Variants in MYH11 observed in about 807,000 individuals in gnomAD.
The protein encoded by MYH11 is myosin heavy chain 11.
A neutral mutation model predicts 246.6 loss-of-function variants in MYH11; 80 were observed. That is an observed-to-expected ratio of 0.32 (90% confidence interval 0.27 to 0.39). The LOEUF (loss-of-function observed/expected upper bound fraction) is 0.39. Among genes scored for constraint, MYH11 ranks in the 10% least tolerant of loss-of-function variants. MYH11 has a pLI of 1.00. For missense variants in MYH11, 2,158 were observed against 2,546.8 expected (o/e 0.85, Z 3.29); for synonymous variants, 1,071 against 1,015.5 (o/e 1.05, Z -1.04).
chr16:15,746,883 T>C (rs895532383), intron 19 of MYH11, among the ~76,000 whole-genome samples: 3 of 152,102 alleles, frequency 2.0e-5, no homozygotes, highest in African/African-American at 7.2e-5. Flanking sequence ...AGACCAGGAA[T>C]TTGAGACCAG....
At chr16:15,718,222 A>C in intron 37 of MYH11, 93 bp downstream of exon 37, 3 of 1,591,062 alleles carry the variant, frequency 1.9e-6, no homozygotes, top group Non-Finnish European at 2.6e-6. Flanking sequence ...GGGCCTGCAC[A>C]CAGGAAGCCG....
intron 14 of MYH11, among the ~76,000 whole-genome samples, chr16:15,755,018 T>A (rs980880316): frequency 3.9e-5 from 6 of 152,260 alleles, no homozygotes; most frequent in Admixed American, 6.5e-5. Flanking sequence ...TCTAGCACTG[T>A]AGTATACAAA....
In MYH11 at chr16:15,766,902, C is replaced by T. The variant is rs533438813; in HGVS notation, c.1034-3011G>A. On this transcript the variant is annotated intron_variant, in intron 9 of 40. Coordinates refer to ENST00000300036, the MANE Select transcript of MYH11 (RefSeq NM_002474.3). ...AGACACAACACAGCAAGGGTGGTGA[C>T]GGCTGGCAGCATCCTGGTGTGCTGG... Among the ~76,000 whole-genome samples the T allele has an allele frequency of 3.3e-4, 51 of 152,330 alleles. 1 individual carries two copies. The highest frequency in any genetic ancestry group is 3.4e-3 in the Middle Eastern group (1 of 294).
intron 40 of MYH11, among the ~76,000 whole-genome samples, chr16:15,705,020 C>T (rs1480521685): frequency 6.6e-6 from 1 of 152,216 alleles, no homozygotes; most frequent in African/African-American, 2.4e-5. Flanking sequence ...GTCTCTCTCA[C>T]CCAGGCTGGA....
At chr16:15,849,842 T>G (rs918201509) in intron 1 of MYH11, among the ~76,000 whole-genome samples, 8 of 152,204 alleles carry the variant, frequency 5.3e-5, no homozygotes, top group Non-Finnish European at 1.2e-4. Context: ...GCCCCAAACC[T>G]GCTGGGTGAC....
intron 13 of MYH11, among the ~76,000 whole-genome samples, chr16:15,757,508 T>TAAAAAAAAAA (rs71134455): frequency 1.5e-5 from 1 of 65,484 alleles, no homozygotes; most frequent in Non-Finnish European, 2.7e-5. Context: ...GACCATGTCA[T>TAAAAAAAAAA]AAAAAAAAAA....
chr16:15,709,177 A>G (rs1273836925), intron 40 of MYH11, among the ~76,000 whole-genome samples: 3 of 152,090 alleles, frequency 2.0e-5, no homozygotes, highest in East Asian at 1.9e-4. Flanking sequence ...CCTGATGTCA[A>G]TGATCTTCCT....
At chr16:15,783,067 T>C (rs2042392032) in intron 5 of MYH11, 1 of 156,238 alleles carries the variant, frequency 6.4e-6, no homozygotes, top group Non-Finnish European at 1.4e-5. Context: ...TCAAAGCAGG[T>C]TGCCTGAGCT....
At chr16:15,730,920 C>G (rs1207159196) in intron 27 of MYH11, among the ~76,000 whole-genome samples, 2 of 152,170 alleles carry the variant, frequency 1.3e-5, no homozygotes, top group African/African-American at 4.8e-5. Flanking sequence ...GTGATTTGAC[C>G]TAGTCATTCT....
Position 15,757,930 on chromosome 16 carries a change from A to G in MYH11, c.1472T>C (p.Met491Thr), listed in dbSNP as rs1236697376. Residue 491 changes from methionine (M) to threonine (T), a missense_variant, in exon 13 of 41, where the codon ATG becomes ACG. This residue lies in a region of MYH11 where 317 missense variants were observed against 507.7 expected (regional missense o/e 0.62). Transcript: ENST00000300036. ...EKLQQLFNHT[M>T]FILEQEEYQR... is the part of the protein sequence containing the mutation. ...GTACTCCTCCTGCTCCAGGATGAAC[A>G]TGGTGTGGTTGAAGAGCTGCTGCAG... 2.5e-6 allele frequency: 4 copies of G among 1,614,040 alleles called. No individual in the cohort carries two copies. Among genetic ancestry groups the G allele is most frequent in the South Asian group, 1.1e-5 (1 of 91,086 alleles).
chr16:15,749,821 A>C, intron 16 of MYH11: 2 of 472,690 alleles, frequency 4.2e-6, no homozygotes, highest in East Asian at 3.6e-5. Context: ...CCCACAGGGA[A>C]GGGCTACAAT....
intron 20 of MYH11, among the ~76,000 whole-genome samples, chr16:15,742,828 T>C (rs1374477224): frequency 6.6e-6 from 1 of 151,994 alleles, no homozygotes; most frequent in African/African-American, 2.4e-5. Context: ...AGTTAATTTA[T>C]TTATTTAGCG....
At chr16:15,856,791 A>T (rs1391159751) in intron 1 of MYH11, 150 bp downstream of exon 1, 1 of 152,042 alleles carries the variant, frequency 6.6e-6, no homozygotes, top group African/African-American at 2.4e-5. Flanking sequence ...GCAGAGAGAG[A>T]TCCAAATCAC....
intron 25 of MYH11, among the ~76,000 whole-genome samples, chr16:15,737,129 C>T (rs759441468): frequency 6.6e-6 from 1 of 152,068 alleles, no homozygotes; most frequent in Non-Finnish European, 1.5e-5. Flanking sequence ...GAAATTGACT[C>T]ATTGGGCAAT....
chr16:15,814,725 C>T (rs906384026), intron 3 of MYH11, among the ~76,000 whole-genome samples: 1 of 151,914 alleles, frequency 6.6e-6, no homozygotes, highest in South Asian at 2.1e-4. Flanking sequence ...AAGGAGGAGA[C>T]AAAAACATAA....
rs777121788 is a variant in MYH11, at chr16:15,727,025, C to T, written c.3681G>A (p.Gln1227=). 4 of 1,611,990 alleles carry T rather than the reference C, an allele frequency of 2.5e-6. 1 individual carries two copies. The South Asian group carries it at 4.4e-5, about 18-fold the overall frequency. ...RAKANLDKNK[Q]TLEKENADLA... is the part of the protein sequence containing the mutation. Reference sequence around the variant, plus strand: ...GGTCTGCGTTCTCTTTCTCCAGCGTCTGCTTATTCTTGTCTAGGTTCGCCT... The same window carrying T: ...GGTCTGCGTTCTCTTTCTCCAGCGTTTGCTTATTCTTGTCTAGGTTCGCCT... The change falls in exon 28 of 41, where the codon CAG becomes CAA. Residue 1227 remains glutamine, a synonymous_variant. Coordinates refer to ENST00000300036, the MANE Select transcript of MYH11 (RefSeq NM_002474.3).
intron 1 of MYH11, among the ~76,000 whole-genome samples, chr16:15,854,409 C>A (rs1418768673): frequency 6.6e-6 from 1 of 152,178 alleles, no homozygotes; most frequent in East Asian, 1.9e-4. Flanking sequence ...GTTAGAAAGA[C>A]CTAGATTTGT....
At chr16:15,782,309 C>T (rs927948732) in intron 6 of MYH11, 76 bp downstream of exon 6, 24 of 1,313,712 alleles carry the variant, frequency 1.8e-5, no homozygotes, top group African/African-American at 5.8e-5. Flanking sequence ...CACCTCTGCA[C>T]GCAAACACTC....
At chr16:15,716,523 TG>T (rs139447709) in intron 38 of MYH11, among the ~76,000 whole-genome samples, 17 of 151,926 alleles carry the variant, frequency 1.1e-4, no homozygotes, top group African/African-American at 3.1e-4. Context: ...GGGTTTTTTT[TG>T]TGTGTGTGTA....
Sources: allele counts gnomAD v4.1 joint callset (sites outside exome capture counted in the v4.1 genomes callset), GRCh38; gene constraint gnomAD v4.1.1; regional missense constraint gnomAD v4.1.1; transcripts MANE v1.5; gene names NCBI Gene and HGNC (gene_info 2026-07-23, HGNC 2026-07-21).